The following SLA variants were observed in gnomAD, a reference collection of about 807,000 sequenced individuals.
The protein encoded by SLA is src-like-adapter.
In SLA, 16 loss-of-function variants were observed where a neutral mutation model predicts 30.3. The observed-to-expected ratio is 0.53, with a 90% CI of 0.36 to 0.80. The LOEUF is 0.80. Ranked by LOEUF, SLA falls within the 30% of genes least tolerant of loss-of-function variation. The pLI, the probability that SLA is intolerant of heterozygous loss-of-function variation, is 0.01. For missense variants in SLA, 310 were observed against 345.2 expected, an observed-to-expected ratio of 0.90 and a Z score of 0.81; for synonymous variants, 143 against 137.8, an observed-to-expected ratio of 1.04 and a Z score of -0.26.
At chr8:133,044,471 T>C (rs1838923467) in intron 7 of SLA, among the ~76,000 whole-genome samples, 1 of 152,122 alleles carries the variant, frequency 6.6e-6, no homozygotes, top group African/African-American at 2.4e-5. Context: ...AGCACACAAT[T>C]AACCAGGCCA....
chr8:133,049,732 A>G (rs1421447498), intron 5 of SLA, 170 bp downstream of exon 5: 1 of 613,262 alleles, frequency 1.6e-6, no homozygotes. Flanking sequence ...CAGAAGAGAT[A>G]AGTTAGCCCA....
rs1481286313 is a variant in SLA, at chr8:133,049,938, T to C, written c.212A>G (p.Tyr71Cys). The C allele has an allele frequency of 1.2e-6, 2 of 1,613,576 alleles. No homozygotes were observed. Among genetic ancestry groups the C allele is most frequent in the African/African-American group, 2.7e-5 (2 of 74,920 alleles). ...AISLSTGRES[Y>C]IPGICVARVY... Reference sequence around the variant, plus strand: ...TCTGGCCACACATATTCCAGGGATGTAACTCTCTCGACCAGTGCTAAGAGA... The same window carrying C: ...TCTGGCCACACATATTCCAGGGATGCAACTCTCTCGACCAGTGCTAAGAGA... The change falls in exon 5 of 9, where the codon TAC (tyrosine) becomes TGC (cysteine). Residue 71 changes from tyrosine to cysteine, a missense_variant. Transcript: ENST00000338087.
intron 1 of SLA, among the ~76,000 whole-genome samples, chr8:133,081,929 C>T (rs748664195): frequency 2.6e-5 from 4 of 152,180 alleles, no homozygotes; most frequent in Admixed American, 6.5e-5. Context: ...CCAACAGAAG[C>T]GCAGAGGAGG....
intron 2 of SLA, among the ~76,000 whole-genome samples, chr8:133,067,925 G>A (rs1564145953): frequency 7.1e-6 from 1 of 140,894 alleles, no homozygotes; most frequent in Admixed American, 7.2e-5. Flanking sequence ...GAAAGAGAGA[G>A]AGAGAGAAAG....
At chr8:133,053,522 T>A (rs1352669292) in intron 3 of SLA, among the ~76,000 whole-genome samples, 1 of 152,122 alleles carries the variant, frequency 6.6e-6, no homozygotes, top group Non-Finnish European at 1.5e-5. Flanking sequence ...TAGGTGGCCA[T>A]TGTGGAACCA....
intron 7 of SLA, among the ~76,000 whole-genome samples, chr8:133,042,129 A>C (rs1317895731): frequency 7.9e-5 from 12 of 152,140 alleles, no homozygotes. Context: ...AAAACTGAGC[A>C]TCCCGAGATG....
intron 1 of SLA, among the ~76,000 whole-genome samples, chr8:133,082,880 G>T (rs1003509774): frequency 2.0e-5 from 3 of 152,060 alleles, no homozygotes; most frequent in African/African-American, 7.3e-5. Flanking sequence ...ATAGCAATTT[G>T]CCAAAGCAAA....
At chr8:133,060,927 A>C (rs892073092) in intron 2 of SLA, among the ~76,000 whole-genome samples, 2 of 152,258 alleles carry the variant, frequency 1.3e-5, no homozygotes, top group African/African-American at 4.8e-5. Flanking sequence ...GGGTTGCTCC[A>C]TAACGGTTTT....
rs1213509493 is a variant in SLA, at chr8:133,038,579, C to G, written c.776G>C (p.Gly259Ala). Residue 259 changes from glycine (G) to alanine (A), a missense_variant, in exon 9 of 9, where the codon GGT becomes GCT. By Grantham distance (60) the Gly-to-Ala change is moderately conservative. Transcript: ENST00000338087. ...GAATGAGCTCTTTCTCTTGCTGCCA[C>G]CATACATCAGGGAGATGCTTTTCTT... ...RKKKSISLMY[G>A]GSKRKSSFFS... The G allele has an allele frequency of 6.2e-7, 1 of 1,614,006 alleles. No individual in the cohort carries two copies. The highest frequency in any genetic ancestry group is 1.3e-5 in the African/African-American group (1 of 74,910).
chr8:133,046,751 T>G (rs1839488860), intron 6 of SLA, among the ~76,000 whole-genome samples: 1 of 151,692 alleles, frequency 6.6e-6, no homozygotes, highest in African/African-American at 2.4e-5. Flanking sequence ...TTTGCATTGA[T>G]CTTTCTGTAC....
At chr8:133,041,918 G>A (rs1004266153) in intron 7 of SLA, among the ~76,000 whole-genome samples, 4 of 151,540 alleles carry the variant, frequency 2.6e-5, no homozygotes, top group Non-Finnish European at 2.9e-5. Context: ...CTCCCGAGTA[G>A]CTGGGATTAC....
chr8:133,050,357 T>A (rs933236390), intron 4 of SLA: 5 of 287,910 alleles, frequency 1.7e-5, no homozygotes, highest in Non-Finnish European at 3.3e-5. Context: ...TCAGTGAAGA[T>A]CTAAATAAAA....
intron 1 of SLA, chr8:133,095,350 C>T (rs1848246801): frequency 1.0e-5 from 12 of 1,161,116 alleles, no homozygotes; most frequent in Non-Finnish European, 1.5e-5. Flanking sequence ...ACTCACATTC[C>T]CTAGCCCCTA....
At chr8:133,089,844 A>T (rs1847217016) in intron 1 of SLA, 1 of 152,008 alleles carries the variant, frequency 6.6e-6, no homozygotes, top group African/African-American at 2.4e-5. Flanking sequence ...ATGGTCACCC[A>T]CCCTGTTCCT....
chr8:133,044,559 A>G (rs1002263151), intron 7 of SLA, among the ~76,000 whole-genome samples: 1 of 152,218 alleles, frequency 6.6e-6, no homozygotes, highest in Non-Finnish European at 1.5e-5. Flanking sequence ...AGCCACTGCT[A>G]ACTCCTATAG....
chr8:133,060,413 A>G (rs759200288), intron 2 of SLA: 71 of 1,498,160 alleles, frequency 4.7e-5, no homozygotes, highest in Non-Finnish European at 5.9e-5. Context: ...AACCACAGAG[A>G]GGGAAGTTGC....
In SLA at chr8:133,038,525, T is replaced by A; in HGVS notation, c.830A>T (p.Ter277LeuextTer37). The A allele has an allele frequency of 6.2e-7, 1 of 1,605,644 alleles. No individual in the cohort carries two copies. Among genetic ancestry groups the A allele is most frequent in the Non-Finnish European group, 8.5e-7 (1 of 1,172,148 alleles). Reference sequence around the variant, plus strand: ...ATGAACCATTGTGTCTGTTCTTGGCTAGTCCTCAAAGTAAGGTGGTGATGA... The same window carrying A: ...ATGAACCATTGTGTCTGTTCTTGGCAAGTCCTCAAAGTAAGGTGGTGATGA... ...FFSSPPYFED[*>L] is the part of the protein sequence containing the mutation. Residue 277 changes from the stop codon to leucine (L), a stop_lost, in exon 9 of 9, where the codon TAG becomes TTG. Coordinates refer to ENST00000338087, the MANE Select transcript of SLA (RefSeq NM_001045556.3).
Position 133,038,739 on chromosome 8 carries a change from TG to T in SLA, c.618-3del. The stretch of plus-strand genomic sequence containing the variant: ...GTTCCCTCGGGGTCCTCCTGCAGTC[TG>T]TGGGCCAGAAGAAAAGGCAGTAGAG... On this transcript the variant is annotated splice_region_variant and splice_polypyrimidine_tract_variant and intron_variant, in intron 8 of 8. Transcript: ENST00000338087. The T allele has an allele frequency of 1.2e-6, 2 of 1,610,800 alleles. No individual in the cohort carries two copies. The highest frequency in any genetic ancestry group is 1.7e-6 in the Non-Finnish European group (2 of 1,177,572).
At chr8:133,059,171 T>A (rs1225073283) in intron 3 of SLA, 1 of 456,138 alleles carries the variant, frequency 2.2e-6, no homozygotes, top group Non-Finnish European at 4.4e-6. Context: ...CAGGGGCTGC[T>A]GGGAACCATG....
Sources: gnomAD v4.1 joint callset for allele counts (sites outside exome capture counted in the v4.1 genomes callset) on GRCh38, gnomAD v4.1.1 for gene constraint, MANE v1.5 for transcripts, NCBI Gene and HGNC (gene_info 2026-07-23, HGNC 2026-07-21) for gene names.